Variants in LRP1B observed in about 807,000 individuals in gnomAD.
LRP1B encodes the protein LDL receptor related protein 1B.
LRP1B carries 217 observed loss-of-function variants against 556.6 expected under a neutral mutation model. The ratio of observed to expected loss-of-function variants is 0.39; its 90% CI spans 0.35 to 0.44. The LOEUF is 0.44. LRP1B is among the 20% of genes least tolerant of loss of function. The pLI is 1.00. For synonymous variants in LRP1B, 2,047 were observed against 1,865.8 expected, an observed-to-expected ratio of 1.10 and a Z score of -2.50; for missense variants, 5,053 against 5,620.8, an observed-to-expected ratio of 0.90 and a Z score of 3.23.
chr2:141,713,175 A>G (rs1469056903), intron 2 of LRP1B, among the ~76,000 whole-genome samples: 1 of 151,092 alleles, frequency 6.6e-6, no homozygotes, highest in Non-Finnish European at 1.5e-5. Flanking sequence ...GGTGTGAGCC[A>G]CCATGCCTGG....
chr2:140,832,522 C>G (rs542680402), intron 31 of LRP1B, among the ~76,000 whole-genome samples: 21 of 152,062 alleles, frequency 1.4e-4, no homozygotes, highest in African/African-American at 4.8e-4. Flanking sequence ...GATGGATAAA[C>G]AAAATGAGGT....
chr2:142,075,750 C>G (rs950230088), intron 1 of LRP1B, among the ~76,000 whole-genome samples: 4 of 152,090 alleles, frequency 2.6e-5, no homozygotes, highest in African/African-American at 9.7e-5. Context: ...TCCCTGATAA[C>G]TCTCCCTCCA....
chr2:140,779,749 TGAGA>T (rs140016990), intron 32 of LRP1B, among the ~76,000 whole-genome samples: 16 of 105,854 alleles, frequency 1.5e-4, no homozygotes, highest in South Asian at 7.0e-4. Flanking sequence ...TGTCTCTCTG[TGAGA>T]GAGTGTGTGT....
chr2:140,530,735 C>A (rs1445856730), intron 47 of LRP1B, among the ~76,000 whole-genome samples: 2 of 152,036 alleles, frequency 1.3e-5, no homozygotes, highest in Non-Finnish European at 2.9e-5. Flanking sequence ...CTGCATTCAG[C>A]GTGACCAGCT....
intron 43 of LRP1B, among the ~76,000 whole-genome samples, chr2:140,575,562 C>A (rs1234308035): frequency 1.3e-5 from 2 of 152,032 alleles, no homozygotes; most frequent in Non-Finnish European, 2.9e-5. Context: ...TTTCAATATT[C>A]TCTGTGAATT....
intron 43 of LRP1B, among the ~76,000 whole-genome samples, chr2:140,570,878 A>G (rs917758046): frequency 6.6e-6 from 1 of 151,882 alleles, no homozygotes; most frequent in African/African-American, 2.4e-5. Context: ...GCAAATCAAT[A>G]AATGTGATAC....
At position 140,455,466 on chromosome 2, in the gene LRP1B, G is replaced by A. The variant is rs1573958735; in HGVS notation, c.9963+989C>T. ...AATATTATAATCCCATTTAAAAGATGAGAAAACCAAGGTACCAAGAAGTAA... is the reference window on the plus strand; with the variant it reads ...AATATTATAATCCCATTTAAAAGATAAGAAAACCAAGGTACCAAGAAGTAA... On this transcript the variant is annotated intron_variant, in intron 62 of 90. Coordinates refer to ENST00000389484, the MANE Select transcript of LRP1B (RefSeq NM_018557.3). 2.0e-5 allele frequency among the ~76,000 whole-genome samples: 3 copies of A among 152,242 alleles called. No homozygotes were observed. The East Asian group carries it at 5.8e-4, about 29-fold the overall frequency.
chr2:142,130,863 T>C lies in LRP1B; in HGVS notation c.-134A>G, dbSNP rs1207823354. On this transcript the variant is annotated 5_prime_UTR_variant, in exon 1 of 91. Coordinates refer to ENST00000389484, the MANE Select transcript of LRP1B (RefSeq NM_018557.3). Reference sequence around the variant, plus strand: ...CATTTACAAATGTCACTGGAAATTCTTCAGCTCAATGAGTCCAGCCAGTCA... The same window carrying C: ...CATTTACAAATGTCACTGGAAATTCCTCAGCTCAATGAGTCCAGCCAGTCA... 1.1e-5 allele frequency: 8 copies of C among 738,364 alleles called. No individual in the cohort carries two copies. The highest frequency in any genetic ancestry group is 1.7e-5 in the African/African-American group (1 of 57,442). The allele number at this position is 738,364 out of a possible 1,614,324, so 45.7% of individuals were successfully genotyped here. A position where few individuals can be genotyped will look rare whatever the true frequency, so the allele number is the denominator to read the frequency against.
At chr2:141,312,695 C>CTT (rs112865731) in intron 3 of LRP1B, among the ~76,000 whole-genome samples, 15,590 of 147,576 alleles carry the variant, frequency 0.11, 953 homozygotes, top group East Asian at 0.16. Flanking sequence ...ATTGATAATT[C>CTT]TTTTTTTTTT....
At chr2:140,466,145 G>T (rs1211095544) in intron 60 of LRP1B, among the ~76,000 whole-genome samples, 2 of 146,566 alleles carry the variant, frequency 1.4e-5, no homozygotes, top group South Asian at 2.2e-4. Context: ...TTTTTTGGTG[G>T]GCTACAGTGG....
chr2:141,022,957 C>T (rs1056877861), intron 11 of LRP1B, among the ~76,000 whole-genome samples: 6 of 151,732 alleles, frequency 4.0e-5, no homozygotes, highest in Non-Finnish European at 8.8e-5. Flanking sequence ...TCACAAAATA[C>T]CCATTTTCAT....
intron 7 of LRP1B, among the ~76,000 whole-genome samples, chr2:141,098,932 C>A (rs1203809250): frequency 6.6e-6 from 1 of 152,168 alleles, no homozygotes; most frequent in Non-Finnish European, 1.5e-5. Context: ...GCTCGGATTA[C>A]AATTAATATT....
At position 140,238,208 on chromosome 2, in the gene LRP1B, G is replaced by C. The variant is rs866612274; in HGVS notation, c.13504C>G (p.His4502Asp). The C allele has an allele frequency of 6.2e-7, 1 of 1,604,772 alleles. No individual in the cohort carries two copies. Among genetic ancestry groups the C allele is most frequent in the South Asian group, 1.1e-5 (1 of 90,638 alleles). Reference sequence around the variant, plus strand: ...AAAAGACCTCCATCGTTGTGATCATGATCTACCTCATACATGTTATAAGAT... The same window carrying C: ...AAAAGACCTCCATCGTTGTGATCATCATCTACCTCATACATGTTATAAGAT... ...NPSYNMYEVD[H>D]DHNDGGLLDP... The change falls in exon 89 of 91, where the codon CAT becomes GAT. Residue 4502 changes from histidine to aspartate, a missense_variant. Transcript: ENST00000389484.
At chr2:140,867,260 G>T (rs1233394779) in intron 27 of LRP1B, among the ~76,000 whole-genome samples, 2 of 152,022 alleles carry the variant, frequency 1.3e-5, no homozygotes, top group African/African-American at 4.8e-5. Flanking sequence ...TCAGGCAAAT[G>T]GTTCACCCTT....
intron 2 of LRP1B, among the ~76,000 whole-genome samples, chr2:141,648,265 C>T (rs186061100): frequency 1.4e-3 from 207 of 152,278 alleles, no homozygotes; most frequent in African/African-American, 4.8e-3. Context: ...TTCATTGAGT[C>T]CAATAATCAC....
At position 140,495,756 on chromosome 2, in the gene LRP1B, A is replaced by G. The variant is rs1377364823; in HGVS notation, c.8851-8T>C. ...TCCAGGCCAGCATTTGCACTGGGAA[A>G]AGAAAAATGAGCATAATCAATTCAT... is the stretch of plus-strand genomic sequence containing the variant. On this transcript the variant is annotated splice_polypyrimidine_tract_variant and splice_region_variant and intron_variant, in intron 55 of 90. Transcript: ENST00000389484. 6.3e-7 allele frequency: 1 copy of G among 1,595,872 alleles called. No homozygotes were observed. The highest frequency in any genetic ancestry group is 1.1e-5 in the South Asian group (1 of 90,552).
At chr2:140,433,504 C>G (rs191937170) in intron 66 of LRP1B, among the ~76,000 whole-genome samples, 3 of 152,070 alleles carry the variant, frequency 2.0e-5, no homozygotes, top group Non-Finnish European at 4.4e-5. Context: ...TTGAGCCTGC[C>G]GCTCAGCATT....
intron 18 of LRP1B, among the ~76,000 whole-genome samples, chr2:140,952,332 C>A (rs182765716): frequency 6.6e-6 from 1 of 151,930 alleles, no homozygotes; most frequent in African/African-American, 2.4e-5. Flanking sequence ...TAGTGGAAGG[C>A]CTTTTCTGAA....
At chr2:140,688,209 T>A (rs1292077078) in intron 41 of LRP1B, among the ~76,000 whole-genome samples, 1 of 152,060 alleles carries the variant, frequency 6.6e-6, no homozygotes, top group Non-Finnish European at 1.5e-5. Flanking sequence ...ATGACACACT[T>A]GTGAGAAAAA....
Sources: allele counts gnomAD v4.1 joint callset (sites outside exome capture counted in the v4.1 genomes callset), GRCh38; gene constraint gnomAD v4.1.1; transcripts MANE v1.5; gene names NCBI Gene and HGNC (gene_info 2026-07-23, HGNC 2026-07-21).